The following CCDC102B variants were observed in gnomAD, a reference collection of about 807,000 sequenced individuals.
The protein encoded by CCDC102B is coiled-coil domain containing 102B, also known as coiled-coil domain-containing protein 102B.
In CCDC102B, 75 loss-of-function variants were observed where a neutral mutation model predicts 57.4. The observed-to-expected ratio is 1.31, with a 90% CI of 1.08 to 1.58. CCDC102B has a LOEUF of 1.58. CCDC102B is among the 40% of genes most tolerant of loss of function. The probability of loss-of-function intolerance (pLI) is 0.00; values close to 1 mark genes in which losing one functional copy is unlikely to be tolerated. For missense variants in CCDC102B, 636 were observed against 582.6 expected (o/e 1.09, Z -0.94); for synonymous variants, 206 against 201.9 (o/e 1.02, Z -0.17).
At chr18:68,833,823 A>C (rs980950517) in intron 1 of CCDC102B, among the ~76,000 whole-genome samples, 1 of 152,134 alleles carries the variant, frequency 6.6e-6, no homozygotes, top group Non-Finnish European at 1.5e-5. Flanking sequence ...ACATTCAAAA[A>C]TATTTGCAGG....
chr18:68,810,569 G>A (rs1012333480), intron 1 of CCDC102B, among the ~76,000 whole-genome samples: 2 of 151,488 alleles, frequency 1.3e-5, no homozygotes, highest in African/African-American at 4.9e-5. Context: ...CCCGAATGCT[G>A]GTGACTCTTG....
intron 2 of CCDC102B, among the ~76,000 whole-genome samples, chr18:68,755,947 G>C (rs1326293411): frequency 1.3e-5 from 2 of 151,308 alleles, no homozygotes; most frequent in Non-Finnish European, 3.0e-5. Context: ...TCAAACTGTA[G>C]ATAAAAGAGC....
chr18:68,789,094 A>AG (rs2035328484), intron 2 of CCDC102B, among the ~76,000 whole-genome samples: 1 of 152,114 alleles, frequency 6.6e-6, no homozygotes, highest in Admixed American at 6.6e-5. Context: ...TATGAAGCTT[A>AG]GTTTGGCTGG....
chr18:68,799,526 C>G (rs1292565137), intron 1 of CCDC102B, among the ~76,000 whole-genome samples: 1 of 152,078 alleles, frequency 6.6e-6, no homozygotes, highest in Non-Finnish European at 1.5e-5. Flanking sequence ...ACAAGAAATG[C>G]TCTCAGGTCG....
At chr18:69,056,636 A>AATAGATAGATAGATGCATAG, downstream of CCDC102B, among the ~76,000 whole-genome samples, 1 of 122,034 alleles carries the variant, frequency 8.2e-6, no homozygotes, top group Non-Finnish European at 1.9e-5. Flanking sequence ...ATAGATAGAT[A>AATAGATAGATAGATGCATAG]ATAGATAGAT....
chr18:68,856,868 T>C (rs1431793635), intron 4 of CCDC102B, among the ~76,000 whole-genome samples: 2 of 150,218 alleles, frequency 1.3e-5, no homozygotes, highest in African/African-American at 2.5e-5. Flanking sequence ...ATATGTGTTT[T>C]TTATATATAC....
intron 5 of CCDC102B, among the ~76,000 whole-genome samples, chr18:68,878,655 G>C (rs972532909): frequency 6.6e-6 from 1 of 152,124 alleles, no homozygotes; most frequent in Non-Finnish European, 1.5e-5. Context: ...GTCCGCACCA[G>C]GTACAAAATC....
At chr18:68,744,597 T>C (rs1009884964) in intron 2 of CCDC102B, among the ~76,000 whole-genome samples, 1 of 152,068 alleles carries the variant, frequency 6.6e-6, no homozygotes, top group African/African-American at 2.4e-5. Context: ...AACCTTTAGG[T>C]GTTCGGGTTG....
chr18:68,812,723 A>G (rs1225638707), intron 1 of CCDC102B, among the ~76,000 whole-genome samples: 1 of 152,214 alleles, frequency 6.6e-6, no homozygotes, highest in Non-Finnish European at 1.5e-5. Context: ...GTGAATATAC[A>G]TATTTTAGTT....
intron 1 of CCDC102B, among the ~76,000 whole-genome samples, chr18:68,816,246 G>A (rs1196604821): frequency 6.6e-6 from 1 of 152,162 alleles, no homozygotes; most frequent in African/African-American, 2.4e-5. Flanking sequence ...ATTTCAAGTA[G>A]TAAGAATGAT....
At chr18:68,975,118 C>T (rs910572673) in intron 6 of CCDC102B, among the ~76,000 whole-genome samples, 1 of 151,994 alleles carries the variant, frequency 6.6e-6, no homozygotes, top group African/African-American at 2.4e-5. Context: ...CAAGCAGCAG[C>T]ATGCATTGTC....
At chr18:68,873,762 A>G (rs555809654) in intron 4 of CCDC102B, among the ~76,000 whole-genome samples, 6 of 152,172 alleles carry the variant, frequency 3.9e-5, no homozygotes, top group Admixed American at 6.5e-5. Flanking sequence ...TAGTTTTTGT[A>G]TTTTAATTTG....
At chr18:68,798,575 A>T (rs1026769643) in intron 1 of CCDC102B, 1 of 152,174 alleles carries the variant, frequency 6.6e-6, no homozygotes, top group Admixed American at 6.6e-5. Flanking sequence ...TCTTACAGTA[A>T]AAAAGTAAAA....
chr18:69,045,444 G>T (rs2052536754), intron 7 of CCDC102B, among the ~76,000 whole-genome samples: 1 of 151,798 alleles, frequency 6.6e-6, no homozygotes, highest in African/African-American at 2.4e-5. Flanking sequence ...TAATCATTAG[G>T]CTGTTCATAA....
chr18:68,866,680 A>G (rs778895122), intron 4 of CCDC102B: 3 of 433,748 alleles, frequency 6.9e-6, no homozygotes, highest in Admixed American at 2.7e-5. Context: ...TTATCTTGCC[A>G]TAGCACTGTC....
At chr18:69,047,453 T>C (rs374006396) in intron 7 of CCDC102B, among the ~76,000 whole-genome samples, 42 of 152,136 alleles carry the variant, frequency 2.8e-4, no homozygotes, top group African/African-American at 9.7e-4. Flanking sequence ...GGGCAAAAGA[T>C]GGAAGCATTC....
chr18:68,799,355 G>T (rs1225792637), intron 1 of CCDC102B, among the ~76,000 whole-genome samples: 3 of 151,938 alleles, frequency 2.0e-5, no homozygotes, highest in Admixed American at 2.0e-4. Flanking sequence ...TAATTTCATT[G>T]TCTCTCTTTT....
chr18:69,044,633 C>T (rs972610526), intron 7 of CCDC102B, among the ~76,000 whole-genome samples: 21 of 152,190 alleles, frequency 1.4e-4, no homozygotes, highest in Admixed American at 9.8e-4. Context: ...AATTTACCTC[C>T]GCTGTGTGAG....
rs2075812287 is a variant in CCDC102B, at chr18:68,787,213, T to C, written c.-66-36153T>C. Among the ~76,000 whole-genome samples, 5 of 151,000 alleles carry C rather than the reference T, an allele frequency of 3.3e-5. No individual in the cohort carries two copies. The South Asian group carries it at 1.0e-3, about 32-fold the overall frequency. ...ATGGTGGATAAGCTTTTTGATGTGC[T>C]GCTGGATTCGGTTTGCCAGTATTTT... is the stretch of plus-strand genomic sequence containing the variant. On this transcript the variant is annotated intron_variant, in intron 2 of 3. Coordinates refer to the CCDC102B transcript ENST00000578970.
Sources: gnomAD v4.1 joint callset for allele counts (sites outside exome capture counted in the v4.1 genomes callset) on GRCh38, gnomAD v4.1.1 for gene constraint, MANE v1.5 for transcripts, NCBI Gene and HGNC (gene_info 2026-07-23, HGNC 2026-07-21) for gene names.